Variants in MTO1 observed in about 807,000 individuals in gnomAD.
The protein encoded by MTO1 is 5-taurinomethyluridine-[tRNA] synthase subunit MTO1, mitochondrial.
A neutral mutation model predicts 71.6 loss-of-function variants in MTO1; 46 were observed. The ratio of observed to expected loss-of-function variants is 0.64; its 90% confidence interval spans 0.51 to 0.82. MTO1 has a LOEUF of 0.82. Among genes scored for constraint, MTO1 ranks in the 40% least tolerant of loss-of-function variants. MTO1 has a pLI of 0.00. For synonymous variants in MTO1, 297 were observed against 312.1 expected, an observed-to-expected ratio of 0.95 and a Z score of 0.51; for missense variants, 773 against 867.5, an observed-to-expected ratio of 0.89 and a Z score of 1.37.
At position 73,505,476 on chromosome 6, in the gene MTO1, A is replaced by G. The variant is rs1772260407; in HGVS notation, c.*4741A>G. 6.6e-6 allele frequency: 1 copy of G among 152,354 alleles called. No homozygotes were observed. The highest frequency in any genetic ancestry group is 1.9e-4 in the East Asian group (1 of 5,190). The allele number at this position is 152,354 out of a possible 1,614,324, so 9.4% of individuals were successfully genotyped here. A position where few individuals can be genotyped will look rare whatever the true frequency, so the allele number is the denominator to read the frequency against. On this transcript the variant is annotated 3_prime_UTR_variant, in exon 12 of 12. Coordinates refer to ENST00000498286, the MANE Select transcript of MTO1 (RefSeq NM_012123.4). ...CACTCAAATTCATAGAGACAGTAAA[A>G]TGATGGTTACCAGGGGATGGGGGAG...
chr6:73,498,262 A>G (rs951178358), intron 11 of MTO1, among the ~76,000 whole-genome samples: 2 of 151,882 alleles, frequency 1.3e-5, no homozygotes, highest in Non-Finnish European at 2.9e-5. Flanking sequence ...TCTAAGACAG[A>G]TGTTGGTATG....
chr6:73,500,498 T>G, intron 11 of MTO1, 76 bp from the exon 12 acceptor site: 1 of 1,303,630 alleles, frequency 7.7e-7, no homozygotes, highest in Non-Finnish European at 1.1e-6. Flanking sequence ...ACTATACAGA[T>G]TGTTATTTGG....
At chr6:73,473,317 T>G (rs1300720367) in intron 3 of MTO1, 48 bp from the exon 4 acceptor site, 3 of 1,494,302 alleles carry the variant, frequency 2.0e-6, no homozygotes, top group African/African-American at 1.4e-5. Flanking sequence ...GATACATAAA[T>G]ACATAGATAC....
intron 3 of MTO1, among the ~76,000 whole-genome samples, chr6:73,472,867 T>C (rs1561942099): frequency 6.6e-6 from 1 of 152,172 alleles, no homozygotes; most frequent in Non-Finnish European, 1.5e-5. Flanking sequence ...TGTCGATAAG[T>C]CTTGAAAAAA....
chr6:73,485,140 G>A (rs1435772226), intron 9 of MTO1, among the ~76,000 whole-genome samples: 3 of 151,952 alleles, frequency 2.0e-5, no homozygotes, highest in Admixed American at 6.6e-5. Context: ...CATTGAATGT[G>A]ACTGATGTGT....
chr6:73,479,746 G>A lies in MTO1; in HGVS notation c.840G>A (p.Leu280=), dbSNP rs749351702. ...CTGTTTTTTAGCCAGAAGATCAGCTGCCATGTTACTTGACTCACACCAACC... is the reference window on the plus strand; with the variant it reads ...CTGTTTTTTAGCCAGAAGATCAGCTACCATGTTACTTGACTCACACCAACC... ...ETVWIKPEDQ[L]PCYLTHTNPR... Residue 280 remains leucine (L), a synonymous_variant, in exon 5 of 12, where the codon CTG becomes CTA. Coordinates refer to ENST00000498286, the MANE Select transcript of MTO1 (RefSeq NM_012123.4). 1 of 1,612,434 alleles carries A rather than the reference G, an allele frequency of 6.2e-7. No homozygotes were observed. The highest frequency in any genetic ancestry group is 1.3e-5 in the African/African-American group (1 of 74,882).
intron 1 of MTO1, among the ~76,000 whole-genome samples, chr6:73,463,180 C>T (rs553552973): frequency 6.6e-6 from 1 of 151,928 alleles, no homozygotes; most frequent in African/African-American, 2.4e-5. Context: ...CCCACCACCA[C>T]GCCCGGCTAA....
chr6:73,476,658 T>G (rs1045785445), intron 4 of MTO1, among the ~76,000 whole-genome samples: 4 of 152,074 alleles, frequency 2.6e-5, no homozygotes, highest in African/African-American at 9.7e-5. Flanking sequence ...TCTGGAATAT[T>G]TGGGAGTAAA....
rs1469132577 is a variant in MTO1 at position 73,473,411 on chromosome 6, G to C, written c.582G>C (p.Gly194=). 6.2e-7 allele frequency: 1 copy of C among 1,614,010 alleles called. No homozygotes were observed. Among genetic ancestry groups the C allele is most frequent in the East Asian group, 2.2e-5 (1 of 44,902 alleles). ...CAGAGAGTGTGATTCTGACTACTGG[G>C]ACATTTCTGAGAGGCATGATTGTAA... The part of the protein sequence containing the change: ...VYAESVILTT[G]TFLRGMIVIG... Residue 194 remains glycine, a synonymous_variant, in exon 4 of 12, where the codon GGG becomes GGC. Coordinates refer to ENST00000498286, the MANE Select transcript of MTO1 (RefSeq NM_012123.4).
intron 11 of MTO1, among the ~76,000 whole-genome samples, chr6:73,498,105 C>T (rs1041503731): frequency 1.3e-5 from 2 of 151,844 alleles, no homozygotes; most frequent in African/African-American, 2.4e-5. Context: ...GCCAGCTACT[C>T]GGGAGGCTGA....
chr6:73,486,124 G>T (rs1451961287), intron 9 of MTO1, among the ~76,000 whole-genome samples: 7 of 152,094 alleles, frequency 4.6e-5, no homozygotes, highest in Admixed American at 4.6e-4. Flanking sequence ...GTTGAGAATA[G>T]CTCAAAGCCT....
In MTO1 at chr6:73,473,299, G is replaced by C. The variant is rs1326670440; in HGVS notation, c.536-66G>C. 48 of 1,401,514 alleles carry C rather than the reference G, an allele frequency of 3.4e-5. No individual in the cohort carries two copies. In the East Asian group the frequency reaches 1.1e-3, roughly 31 times the overall value. 86.8% of individuals were successfully genotyped at this position (1,401,514 alleles called of 1,614,324 possible). A position where few individuals can be genotyped will look rare whatever the true frequency, so the allele number is the denominator to read the frequency against. On this transcript the variant is annotated intron_variant, in intron 3 of 11. Coordinates refer to ENST00000498286, the MANE Select transcript of MTO1 (RefSeq NM_012123.4). ...TCTCAGATAGATAGATAGATAGATA[G>C]ATACATAGATACATAAATACATAGA...
intron 1 of MTO1, chr6:73,462,389 A>G (rs537256247): frequency 2.4e-6 from 1 of 416,348 alleles, no homozygotes; most frequent in African/African-American, 2.0e-5. Context: ...TGCTGCGTTT[A>G]CCTTCTACTA....
At chr6:73,484,173 G>A (rs188156998) in intron 9 of MTO1, among the ~76,000 whole-genome samples, 126 of 152,226 alleles carry the variant, frequency 8.3e-4, no homozygotes, top group Middle Eastern at 6.8e-3. Flanking sequence ...AAGAATTTGC[G>A]TAATCATCTT....
At position 73,471,549 on chromosome 6, in the gene MTO1, G is replaced by A. The variant is rs571379925; in HGVS notation, c.536-1816G>A. 3.2e-4 allele frequency: 124 copies of A among 393,650 alleles called. 1 individual carries two copies. The highest frequency in any genetic ancestry group is 2.3e-3 in the South Asian group (122 of 54,040). 24.4% of individuals were successfully genotyped at this position (393,650 alleles called of 1,614,324 possible). On this transcript the variant is annotated intron_variant, in intron 3 of 11. Transcript: ENST00000498286. Reference sequence around the variant, plus strand: ...CCTGCCTCAGCCTCCTGTGTAGCTGGGACCACAGGCATGTGTCACCACCCC... The same window carrying A: ...CCTGCCTCAGCCTCCTGTGTAGCTGAGACCACAGGCATGTGTCACCACCCC...
chr6:73,498,278 A>G (rs1561954711), intron 11 of MTO1, among the ~76,000 whole-genome samples: 1 of 151,902 alleles, frequency 6.6e-6, no homozygotes, highest in Non-Finnish European at 1.5e-5. Flanking sequence ...GTATGTTTGT[A>G]TGAGAGATGA....
intron 10 of MTO1, among the ~76,000 whole-genome samples, chr6:73,493,768 G>A (rs1348665693): frequency 6.6e-6 from 1 of 151,790 alleles, no homozygotes; most frequent in Non-Finnish European, 1.5e-5. Context: ...TTTTAATAAT[G>A]AGAAAAATAA....
chr6:73,500,445 T>C, intron 11 of MTO1, 129 bp from the exon 12 acceptor site: 1 of 688,066 alleles, frequency 1.5e-6, no homozygotes, highest in Admixed American at 4.0e-5. Context: ...TATGTTAAGA[T>C]AATACATCAA....
At chr6:73,465,779 G>A (rs1770969810) in intron 1 of MTO1, among the ~76,000 whole-genome samples, 1 of 152,068 alleles carries the variant, frequency 6.6e-6, no homozygotes, top group Non-Finnish European at 1.5e-5. Context: ...CTGAGGTCAG[G>A]AGTTTGAGAC....
Sources: gnomAD v4.1 joint callset for allele counts (sites outside exome capture counted in the v4.1 genomes callset) on GRCh38, gnomAD v4.1.1 for gene constraint, MANE v1.5 for transcripts, NCBI Gene and HGNC (gene_info 2026-07-23, HGNC 2026-07-21) for gene names.